The following METTL9 variants were observed in gnomAD, a reference collection of about 807,000 sequenced individuals.
METTL9 encodes the protein methyltransferase 9, His-X-His N1(pi)-histidine.
A neutral mutation model predicts 36.0 loss-of-function variants in METTL9; 10 were observed. That is an observed-to-expected ratio of 0.28 (90% confidence interval 0.17 to 0.47). The LOEUF is 0.47. Among genes scored for constraint, METTL9 ranks in the 20% least tolerant of loss-of-function variants. The pLI is 0.99. For missense variants in METTL9, 246 were observed against 383.5 expected, an observed-to-expected ratio of 0.64 and a Z score of 3.00; for synonymous variants, 175 against 149.7, an observed-to-expected ratio of 1.17 and a Z score of -1.23.
intron 1 of METTL9, among the ~76,000 whole-genome samples, chr16:21,605,114 C>G (rs1343598581): frequency 6.6e-6 from 1 of 152,004 alleles, no homozygotes; most frequent in Non-Finnish European, 1.5e-5. Flanking sequence ...AAGAGACTTG[C>G]TCACCAGCAC....
At chr16:21,637,714 C>T (rs1229615579) in intron 4 of METTL9, among the ~76,000 whole-genome samples, 6 of 152,252 alleles carry the variant, frequency 3.9e-5, no homozygotes, top group African/African-American at 1.2e-4. Flanking sequence ...GCGTGCGCTG[C>T]GCGCAGCCCG....
At chr16:21,644,250 A>T (rs375710212) in intron 4 of METTL9, 12 of 1,336,072 alleles carry the variant, frequency 9.0e-6, no homozygotes, top group Admixed American at 1.7e-5. Flanking sequence ...GATAATATTC[A>T]AGGATATAGG....
At chr16:21,652,411 C>T (rs1385069285) in intron 4 of METTL9, 2 of 656,064 alleles carry the variant, frequency 3.0e-6, no homozygotes, top group Non-Finnish European at 5.0e-6. Context: ...TCCTCTTAGG[C>T]AGTTTTCATA....
At chr16:21,597,262 C>T (rs116441360), upstream of METTL9, 142 of 1,288,892 alleles carry the variant, frequency 1.1e-4, 1 homozygote, top group African/African-American at 1.8e-3. Flanking sequence ...TTAGATGGAT[C>T]GAAAGACCAC....
In METTL9 at chr16:21,643,710, A is replaced by T. The variant is rs571365815; in HGVS notation, c.752-11517A>T. 19 of 655,642 alleles carry T rather than the reference A, an allele frequency of 2.9e-5. No homozygotes were observed. The Admixed American group carries it at 6.1e-4, about 21-fold the overall frequency. 40.6% of individuals were successfully genotyped at this position (655,642 alleles called of 1,614,324 possible). A position where few individuals can be genotyped will look rare whatever the true frequency, so the allele number is the denominator to read the frequency against. ...CTAACTTAATATTTAAGTGATATAC[A>T]ATGAGACTTAATTTTTACATCATTT... On this transcript the variant is annotated intron_variant, in intron 4 of 4. Transcript: ENST00000358154.
chr16:21,636,835 A>C (rs1230341879), intron 4 of METTL9, among the ~76,000 whole-genome samples: 1 of 152,124 alleles, frequency 6.6e-6, no homozygotes, highest in African/African-American at 2.4e-5. Context: ...CCGAACTCTA[A>C]GGAAAAATAG....
chr16:21,612,517 A>G (rs1965448703), intron 1 of METTL9, 128 bp from the exon 2 acceptor site: 6 of 825,460 alleles, frequency 7.3e-6, no homozygotes, highest in Admixed American at 3.7e-5. Context: ...TTCTCAGAGT[A>G]TCATGAGATG....
At chr16:21,652,702 A>ATT (rs1480604704) in intron 4 of METTL9, 24 of 787,682 alleles carry the variant, frequency 3.0e-5, no homozygotes, top group Non-Finnish European at 4.7e-5. Context: ...CTTATGAAGG[A>ATT]ACCATAATCA....
At chr16:21,625,206 G>A (rs1193697813) in intron 4 of METTL9, 91 bp downstream of exon 4, 1 of 1,391,868 alleles carries the variant, frequency 7.2e-7, no homozygotes, top group Non-Finnish European at 1.0e-6. Context: ...ATATTGTCTA[G>A]TATGTCTTAT....
At chr16:21,651,354 G>T (rs567495916) in intron 4 of METTL9, among the ~76,000 whole-genome samples, 138 of 152,180 alleles carry the variant, frequency 9.1e-4, no homozygotes, top group Non-Finnish European at 1.6e-3. Flanking sequence ...GAGTGCAGTG[G>T]CACAATCACA....
chr16:21,640,029 C>G (rs530684228), intron 4 of METTL9: 1 of 152,074 alleles, frequency 6.6e-6, no homozygotes, highest in Admixed American at 6.6e-5. Flanking sequence ...ACCTCCGCAT[C>G]CTGGGTTCAA....
At chr16:21,641,624 T>C in intron 4 of METTL9, 1 of 1,446,588 alleles carries the variant, frequency 6.9e-7, no homozygotes, top group Non-Finnish European at 9.6e-7. Flanking sequence ...AAAGCCATGT[T>C]TAAGGTTATG....
chr16:21,614,966 C>T (rs923899916), intron 2 of METTL9, among the ~76,000 whole-genome samples: 30 of 151,974 alleles, frequency 2.0e-4, no homozygotes, highest in African/African-American at 6.5e-4. Flanking sequence ...TTTCATTGTG[C>T]GAGACTGCCC....
At chr16:21,615,192 C>G (rs1027172871) in intron 2 of METTL9, among the ~76,000 whole-genome samples, 1 of 152,094 alleles carries the variant, frequency 6.6e-6, no homozygotes, top group Non-Finnish European at 1.5e-5. Flanking sequence ...AATGTTCTTT[C>G]GAAATAGGAC....
intron 4 of METTL9, among the ~76,000 whole-genome samples, chr16:21,629,435 C>T (rs1254569452): frequency 6.6e-6 from 1 of 152,144 alleles, no homozygotes; most frequent in Non-Finnish European, 1.5e-5. Flanking sequence ...AGGGTCCTCA[C>T]CAGAACTCAT....
intron 3 of METTL9, among the ~76,000 whole-genome samples, chr16:21,621,569 C>T (rs531216128): frequency 1.6e-4 from 25 of 151,538 alleles, no homozygotes; most frequent in African/African-American, 5.6e-4. Flanking sequence ...TCAGGCAATC[C>T]GCCCGCCTTG....
At position 21,655,080 on chromosome 16, in the gene METTL9, A is replaced by G. The variant is rs1966671770; in HGVS notation, c.752-147A>G. ...CTTTATCTGCCCACCTGTCTCAAAG[A>G]GTACCTGGGAAGTACAAAAGAGGTA... is the stretch of plus-strand genomic sequence containing the variant. On this transcript the variant is annotated intron_variant, in intron 4 of 4. Coordinates refer to ENST00000358154, the MANE Select transcript of METTL9 (RefSeq NM_016025.5). 4 of 672,638 alleles carry G rather than the reference A, an allele frequency of 5.9e-6. No individual in the cohort carries two copies. The East Asian group carries it at 1.1e-4, about 18-fold the overall frequency. The allele number at this position is 672,638 out of a possible 1,614,324, so 41.7% of individuals were successfully genotyped here.
intron 4 of METTL9, among the ~76,000 whole-genome samples, chr16:21,625,495 C>G (rs940856125): frequency 1.3e-5 from 2 of 152,128 alleles, no homozygotes; most frequent in Non-Finnish European, 2.9e-5. Context: ...AATGTCATGG[C>G]TGTTTTGTTT....
intron 4 of METTL9, among the ~76,000 whole-genome samples, chr16:21,630,681 TA>T (rs1355578469): frequency 2.0e-5 from 3 of 152,160 alleles, no homozygotes; most frequent in African/African-American, 7.2e-5. Flanking sequence ...GGGTCCTCGG[TA>T]GAAGTTGTTA....
Sources: allele counts gnomAD v4.1 joint callset (sites outside exome capture counted in the v4.1 genomes callset), GRCh38; gene constraint gnomAD v4.1.1; transcripts MANE v1.5; gene names NCBI Gene and HGNC (gene_info 2026-07-23, HGNC 2026-07-21).